The following HSD17B3 variants were observed in gnomAD, a reference collection of about 807,000 sequenced individuals.
HSD17B3 encodes hydroxysteroid 17-beta dehydrogenase 3, also known as 17-beta-hydroxysteroid dehydrogenase type 3.
HSD17B3 carries 29 observed loss-of-function variants against 41.1 expected under a neutral mutation model. That is an observed-to-expected ratio of 0.71 (90% CI 0.53 to 0.96). The LOEUF is 0.96. Ranked by LOEUF, HSD17B3 falls within the 40% of genes least tolerant of loss-of-function variation. The pLI, the probability that HSD17B3 is intolerant of heterozygous loss-of-function variation, is 0.00. For missense variants in HSD17B3, 323 were observed against 374.6 expected (o/e 0.86, Z 1.14); for synonymous variants, 126 against 145.6 (o/e 0.87, Z 0.97).
At chr9:96,265,671 C>A (rs2130751928) in intron 2 of HSD17B3, among the ~76,000 whole-genome samples, 1 of 152,138 alleles carries the variant, frequency 6.6e-6, no homozygotes, top group African/African-American at 2.4e-5. Context: ...TTCATATCAA[C>A]TAAAATAGGC....
intron 2 of HSD17B3, among the ~76,000 whole-genome samples, chr9:96,291,118 C>T (rs904213396): frequency 9.2e-5 from 14 of 151,788 alleles, no homozygotes; most frequent in African/African-American, 3.1e-4. Context: ...ATCTGAATTC[C>T]ACCCCCACCT....
At chr9:96,278,449 T>A (rs1461165956) in intron 2 of HSD17B3, among the ~76,000 whole-genome samples, 1 of 152,198 alleles carries the variant, frequency 6.6e-6, no homozygotes, top group Non-Finnish European at 1.5e-5. Flanking sequence ...ATATTCAATA[T>A]TTTTTAAGTT....
intron 2 of HSD17B3, among the ~76,000 whole-genome samples, chr9:96,257,959 C>T (rs1010583821): frequency 2.0e-5 from 3 of 152,166 alleles, no homozygotes; most frequent in Admixed American, 6.5e-5. Context: ...CCACCCCACC[C>T]GGCCCCTTTA....
intron 9 of HSD17B3, among the ~76,000 whole-genome samples, chr9:96,242,983 T>C (rs1468488979): frequency 6.6e-6 from 1 of 152,138 alleles, no homozygotes; most frequent in African/African-American, 2.4e-5. Flanking sequence ...ACATGTGTCA[T>C]CTCTGGGCCA....
intron 2 of HSD17B3, among the ~76,000 whole-genome samples, chr9:96,261,091 A>G (rs1204163452): frequency 1.3e-5 from 2 of 152,190 alleles, no homozygotes; most frequent in East Asian, 1.9e-4. Flanking sequence ...GTTTAACACA[A>G]CAAAAGTTTA....
intron 5 of HSD17B3, chr9:96,250,095 T>G (rs1836834305): frequency 3.0e-6 from 4 of 1,341,018 alleles, no homozygotes; most frequent in Non-Finnish European, 3.8e-6. Context: ...AGCTACTCCA[T>G]TCTCAGCTGG....
At chr9:96,264,738 C>A (rs1825992100) in intron 2 of HSD17B3, among the ~76,000 whole-genome samples, 1 of 152,132 alleles carries the variant, frequency 6.6e-6, no homozygotes, top group Non-Finnish European at 1.5e-5. Context: ...ATGTCATTTG[C>A]TACTTATTAA....
intron 2 of HSD17B3, among the ~76,000 whole-genome samples, chr9:96,274,270 C>A (rs1826367644): frequency 6.6e-6 from 1 of 151,954 alleles, no homozygotes; most frequent in Admixed American, 6.6e-5. Flanking sequence ...GAAACCCCAT[C>A]TCTACTAAAA....
intron 2 of HSD17B3, among the ~76,000 whole-genome samples, chr9:96,284,215 TA>T (rs569621446): frequency 0.014 from 1,429 of 100,108 alleles, 18 homozygotes; most frequent in South Asian, 0.046. Context: ...GACTCCATCT[TA>T]AAAAAAAAAA....
intron 4 of HSD17B3, 29 bp from the exon 5 acceptor site, chr9:96,251,514 G>T: frequency 6.3e-7 from 1 of 1,595,590 alleles, no homozygotes; most frequent in Non-Finnish European, 8.6e-7. Flanking sequence ...ACAAAAATGT[G>T]TCAGAAGATC....
At position 96,249,616 on chromosome 9, in the gene HSD17B3, G is replaced by A. The variant is rs1048005961; in HGVS notation, c.489+135C>T. ...CAGAACAAGACAATTACAAGACCAC[G>A]ACATGGCCTCTCAACTAAGTGTGGT... is the stretch of plus-strand genomic sequence containing the variant. On this transcript the variant is annotated intron_variant, in intron 6 of 10. Coordinates refer to ENST00000375263, the MANE Select transcript of HSD17B3 (RefSeq NM_000197.2). 1.7e-5 allele frequency: 13 copies of A among 775,754 alleles called. No homozygotes were observed. In the African/African-American group the frequency reaches 1.7e-4, roughly 10 times the overall value. The allele number at this position is 775,754 out of a possible 1,614,324, so 48.1% of individuals were successfully genotyped here. A position where few individuals can be genotyped will look rare whatever the true frequency, so the allele number is the denominator to read the frequency against.
intron 4 of HSD17B3, among the ~76,000 whole-genome samples, 197 bp downstream of exon 4, chr9:96,252,606 C>T (rs1322830916): frequency 6.6e-6 from 1 of 150,956 alleles, no homozygotes; most frequent in Non-Finnish European, 1.5e-5. Context: ...TTGATACATT[C>T]CAAACCAATA....
chr9:96,260,719 C>T (rs1017091149), intron 2 of HSD17B3, among the ~76,000 whole-genome samples: 10 of 152,058 alleles, frequency 6.6e-5, no homozygotes, highest in Admixed American at 3.3e-4. Flanking sequence ...GAGCCGAGAT[C>T]GCACCACTGT....
At chr9:96,240,122 A>T (rs573230090) in intron 10 of HSD17B3, among the ~76,000 whole-genome samples, 1 of 152,310 alleles carries the variant, frequency 6.6e-6, no homozygotes, top group Admixed American at 6.5e-5. Context: ...ACCTAGTGCA[A>T]GCAGGGCTTA....
At chr9:96,285,549 T>C (rs1349362640) in intron 2 of HSD17B3, among the ~76,000 whole-genome samples, 2 of 152,224 alleles carry the variant, frequency 1.3e-5, no homozygotes, top group East Asian at 3.9e-4. Flanking sequence ...TAATTTAGTT[T>C]ACTTGGGATA....
chr9:96,269,909 G>GAAAAAAAAAAAAAAAAAA (rs59947729), intron 2 of HSD17B3, among the ~76,000 whole-genome samples: 2 of 103,880 alleles, frequency 1.9e-5, no homozygotes, highest in African/African-American at 3.7e-5. Context: ...ATCTTAAAAA[G>GAAAAAAAAAAAAAAAAAA]AAAAAAAAAA....
At chr9:96,255,984 C>A (rs1825639254) in intron 2 of HSD17B3, among the ~76,000 whole-genome samples, 1 of 152,168 alleles carries the variant, frequency 6.6e-6, no homozygotes, top group South Asian at 2.1e-4. Context: ...GGGTCACAGG[C>A]CGCTGGAGAT....
At chr9:96,295,233 C>T (rs972818193) in intron 2 of HSD17B3, among the ~76,000 whole-genome samples, 1 of 151,968 alleles carries the variant, frequency 6.6e-6, no homozygotes, top group Non-Finnish European at 1.5e-5. Context: ...TCTGGAACTC[C>T]TGACCTCATG....
intron 6 of HSD17B3, 136 bp downstream of exon 6, chr9:96,249,615 C>G: frequency 1.3e-6 from 1 of 770,710 alleles, no homozygotes; most frequent in South Asian, 1.5e-5. Context: ...TACAAGACCA[C>G]GACATGGCCT....
Sources: gnomAD v4.1 joint callset for allele counts (sites outside exome capture counted in the v4.1 genomes callset) on GRCh38, gnomAD v4.1.1 for gene constraint, MANE v1.5 for transcripts, NCBI Gene and HGNC (gene_info 2026-07-23, HGNC 2026-07-21) for gene names.